The following SAMD12 variants were observed in gnomAD, a reference collection of about 807,000 sequenced individuals.
SAMD12 encodes the protein sterile alpha motif domain-containing protein 12.
In SAMD12, 9 loss-of-function variants were observed where a neutral mutation model predicts 15.0. That is an observed-to-expected ratio of 0.60 (90% CI 0.36 to 1.05). SAMD12 has a LOEUF of 1.05. Among genes scored for constraint, SAMD12 ranks in the 50% least tolerant of loss-of-function variants. The probability of loss-of-function intolerance (pLI) is 0.01; values close to 1 mark genes in which losing one functional copy is unlikely to be tolerated. For synonymous variants in SAMD12, 86 were observed against 90.1 expected (o/e 0.96, Z 0.25); for missense variants, 230 against 234.2 (o/e 0.98, Z 0.12).
intron 4 of SAMD12, among the ~76,000 whole-genome samples, chr8:118,331,413 A>G (rs1342969988): frequency 6.6e-6 from 1 of 152,220 alleles, no homozygotes; most frequent in Non-Finnish European, 1.5e-5. Flanking sequence ...GGATCTACTG[A>G]ATATTAACTC....
intron 2 of SAMD12, among the ~76,000 whole-genome samples, chr8:118,552,890 G>C (rs551400711): frequency 0.011 from 1,594 of 151,696 alleles, 31 homozygotes; most frequent in African/African-American, 0.036. Context: ...ACCAATAACA[G>C]ACAAACAGAG....
At chr8:118,349,126 C>T (rs1817823474) in intron 4 of SAMD12, among the ~76,000 whole-genome samples, 1 of 152,154 alleles carries the variant, frequency 6.6e-6, no homozygotes, top group Non-Finnish European at 1.5e-5. Context: ...TACAGATCTT[C>T]ATGGTAGAAA....
At chr8:118,404,070 C>A (rs1178500355) in intron 3 of SAMD12, among the ~76,000 whole-genome samples, 3 of 152,172 alleles carry the variant, frequency 2.0e-5, no homozygotes, top group African/African-American at 7.2e-5. Flanking sequence ...GCAGCCTCGA[C>A]CTGCGGGGCA....
chr8:118,164,079 C>T, the SAMD12 span, among the ~76,000 whole-genome samples: 1 of 151,950 alleles, frequency 6.6e-6, no homozygotes, highest in Admixed American at 6.6e-5. Context: ...AGGAGGAGGA[C>T]AACCAGGAGG....
At chr8:118,530,999 T>C (rs759151056) in intron 2 of SAMD12, among the ~76,000 whole-genome samples, 37 of 152,230 alleles carry the variant, frequency 2.4e-4, no homozygotes, top group Admixed American at 1.0e-3. Flanking sequence ...TGCCACTACA[T>C]GCCCATGACT....
At chr8:118,467,392 T>G (rs1374018148) in intron 2 of SAMD12, among the ~76,000 whole-genome samples, 1 of 152,230 alleles carries the variant, frequency 6.6e-6, no homozygotes, top group Non-Finnish European at 1.5e-5. Flanking sequence ...CTTGGATTGA[T>G]GCCTCCCACA....
At chr8:118,348,440 C>T (rs577970340) in intron 4 of SAMD12, among the ~76,000 whole-genome samples, 18 of 151,592 alleles carry the variant, frequency 1.2e-4, no homozygotes, top group East Asian at 3.9e-4. Flanking sequence ...GTGTGACGTC[C>T]GCTCACCGCA....
At chr8:118,536,640 A>C (rs1031823389) in intron 2 of SAMD12, among the ~76,000 whole-genome samples, 1 of 152,224 alleles carries the variant, frequency 6.6e-6, no homozygotes, top group Admixed American at 6.5e-5. Flanking sequence ...CAAAGAGAAA[A>C]CTAATAAAAA....
intron 4 of SAMD12, among the ~76,000 whole-genome samples, chr8:118,360,808 T>C (rs1818458567): frequency 6.6e-6 from 1 of 152,220 alleles, no homozygotes; most frequent in Admixed American, 6.5e-5. Context: ...GCATTTGTTT[T>C]TTTCTTGAAG....
In SAMD12 at chr8:118,461,524, G is replaced by A. The variant is rs541364956; in HGVS notation, c.193-21563C>T. ...TCTCAGCAGAGGTAGCAACTATCATGACTTTGAGGTAGACATTTAGGCACA... is the reference window on the plus strand; with the variant it reads ...TCTCAGCAGAGGTAGCAACTATCATAACTTTGAGGTAGACATTTAGGCACA... On this transcript the variant is annotated intron_variant, in intron 2 of 3. Coordinates refer to ENST00000314727, the MANE Select transcript of SAMD12 (RefSeq NM_207506.3). 6.9e-4 allele frequency among the ~76,000 whole-genome samples: 103 copies of A among 149,304 alleles called. No homozygotes were observed. The Middle Eastern group carries it at 0.024, about 35-fold the overall frequency.
chr8:118,504,205 C>T (rs1280478158), intron 2 of SAMD12, among the ~76,000 whole-genome samples: 2 of 152,216 alleles, frequency 1.3e-5, no homozygotes, highest in Non-Finnish European at 2.9e-5. Flanking sequence ...TTTTGCACTA[C>T]TTTCTTCAGC....
At chr8:118,255,666 C>T (rs1812920635) in intron 4 of SAMD12, among the ~76,000 whole-genome samples, 2 of 151,460 alleles carry the variant, frequency 1.3e-5, no homozygotes. Context: ...CATCCATGTC[C>T]CTACAAAGGA....
chr8:118,376,270 G>A (rs1399409957), downstream of SAMD12, among the ~76,000 whole-genome samples: 1 of 152,122 alleles, frequency 6.6e-6, no homozygotes, highest in Non-Finnish European at 1.5e-5. Flanking sequence ...TAATGCAATT[G>A]TCTAAATGTT....
At chr8:118,150,598 G>T in the SAMD12 span, among the ~76,000 whole-genome samples, 1 of 152,106 alleles carries the variant, frequency 6.6e-6, no homozygotes. Flanking sequence ...CAGACTCCCT[G>T]CCTCAAGTGA....
At chr8:118,570,405 A>G (rs1417139999) in intron 2 of SAMD12, among the ~76,000 whole-genome samples, 1 of 151,986 alleles carries the variant, frequency 6.6e-6, no homozygotes, top group Non-Finnish European at 1.5e-5. Flanking sequence ...GTTCCCTTCT[A>G]TATATCCATG....
intron 2 of SAMD12, among the ~76,000 whole-genome samples, chr8:118,466,365 T>G (rs1823594311): frequency 6.6e-6 from 1 of 152,230 alleles, no homozygotes; most frequent in African/African-American, 2.4e-5. Context: ...CTATATGATT[T>G]AACCACAACT....
intron 2 of SAMD12, among the ~76,000 whole-genome samples, chr8:118,504,607 T>A (rs1003975301): frequency 1.3e-5 from 2 of 152,158 alleles, no homozygotes; most frequent in Admixed American, 6.5e-5. Context: ...TCTTTGCTGA[T>A]ACAATGAAGT....
intron 3 of SAMD12, among the ~76,000 whole-genome samples, chr8:118,388,841 G>C (rs997612313): frequency 3.9e-5 from 6 of 152,154 alleles, no homozygotes; most frequent in African/African-American, 1.4e-4. Flanking sequence ...AGAGAATTTA[G>C]CCAACAGAGA....
Position 118,621,836 on chromosome 8 carries a change from C to A in SAMD12, c.-20G>T. The A allele has an allele frequency of 6.2e-7, 1 of 1,613,944 alleles. No homozygotes were observed. Among genetic ancestry groups the A allele is most frequent in the Non-Finnish European group, 8.5e-7 (1 of 1,179,814 alleles). Reference sequence around the variant, plus strand: ...AGCCATTCTCTCAGAGCTTCCCTAACGCATGCATAATTTTCTTGGCCGAGG... The same window carrying A: ...AGCCATTCTCTCAGAGCTTCCCTAAAGCATGCATAATTTTCTTGGCCGAGG... On this transcript the variant is annotated 5_prime_UTR_variant, in exon 1 of 4. Transcript: ENST00000314727.
Sources: allele counts gnomAD v4.1 joint callset (sites outside exome capture counted in the v4.1 genomes callset), GRCh38; gene constraint gnomAD v4.1.1; transcripts MANE v1.5; gene names NCBI Gene and HGNC (gene_info 2026-07-23, HGNC 2026-07-21).